Variants in NKAIN2 observed in about 807,000 individuals in gnomAD.
NKAIN2 encodes the protein sodium/potassium transporting ATPase interacting 2.
Under a neutral mutation model 32.6 loss-of-function variants are expected in NKAIN2, and 14 were observed. That is an observed-to-expected ratio of 0.43 (90% confidence interval 0.28 to 0.67). NKAIN2 has a LOEUF of 0.67. Ranked by LOEUF, NKAIN2 falls within the 30% of genes least tolerant of loss-of-function variation. NKAIN2 has a pLI of 0.17. For missense variants in NKAIN2, 198 were observed against 258.3 expected (o/e 0.77, Z 1.60); for synonymous variants, 80 against 87.2 (o/e 0.92, Z 0.46).
At chr6:124,109,282 A>G (rs925720538) in intron 1 of NKAIN2, among the ~76,000 whole-genome samples, 3 of 151,778 alleles carry the variant, frequency 2.0e-5, no homozygotes, top group Non-Finnish European at 4.4e-5. Flanking sequence ...TTATTCTTAC[A>G]TATTTTATTC....
intron 5 of NKAIN2, chr6:124,794,885 A>G: frequency 1.0e-6 from 1 of 953,928 alleles, no homozygotes; most frequent in Non-Finnish European, 1.2e-6. Flanking sequence ...AGAGTAAAAA[A>G]GGTTTGACAT....
chr6:124,235,463 TATA>T (rs1343933272), intron 1 of NKAIN2, among the ~76,000 whole-genome samples: 1 of 152,202 alleles, frequency 6.6e-6, no homozygotes, highest in Non-Finnish European at 1.5e-5. Context: ...AAAGTAAGAT[TATA>T]ATACTAATAA....
chr6:124,077,083 A>G (rs1783729166), intron 1 of NKAIN2, among the ~76,000 whole-genome samples: 2 of 152,208 alleles, frequency 1.3e-5, no homozygotes, highest in African/African-American at 2.4e-5. Flanking sequence ...TGCCATGTTA[A>G]ATGAAATATA....
At chr6:124,612,195 GA>G (rs1201875419) in intron 3 of NKAIN2, among the ~76,000 whole-genome samples, 2 of 149,328 alleles carry the variant, frequency 1.3e-5, no homozygotes, top group South Asian at 2.1e-4. Flanking sequence ...TTTTGGAATA[GA>G]AAAAAATCTT....
intron 2 of NKAIN2, among the ~76,000 whole-genome samples, chr6:124,301,315 G>A (rs1335779923): frequency 2.0e-5 from 3 of 152,200 alleles, no homozygotes; most frequent in Non-Finnish European, 4.4e-5. Context: ...GATTTCAGAG[G>A]ATGTATGGAA....
intron 1 of NKAIN2, among the ~76,000 whole-genome samples, chr6:124,043,873 G>T (rs1218254374): frequency 1.3e-5 from 2 of 152,004 alleles, no homozygotes; most frequent in Non-Finnish European, 2.9e-5. Flanking sequence ...CACAACAATG[G>T]ATCATACACA....
chr6:124,523,712 C>T (rs1051526549), intron 3 of NKAIN2, among the ~76,000 whole-genome samples: 1 of 152,030 alleles, frequency 6.6e-6, no homozygotes, highest in African/African-American at 2.4e-5. Context: ...GAAGCCTGGC[C>T]AACTAACAAA....
At chr6:124,379,694 G>A (rs1021668354) in intron 3 of NKAIN2, among the ~76,000 whole-genome samples, 2 of 152,114 alleles carry the variant, frequency 1.3e-5, no homozygotes, top group African/African-American at 4.8e-5. Context: ...TCTACAGAAG[G>A]AAGTATGTGT....
intron 1 of NKAIN2, among the ~76,000 whole-genome samples, chr6:124,183,198 A>G (rs1352238791): frequency 1.3e-5 from 2 of 152,112 alleles, no homozygotes; most frequent in Non-Finnish European, 2.9e-5. Flanking sequence ...GAGGCTGAAT[A>G]TAATAATTGA....
At chr6:124,104,402 C>T (rs916881581) in intron 1 of NKAIN2, among the ~76,000 whole-genome samples, 2 of 152,008 alleles carry the variant, frequency 1.3e-5, no homozygotes, top group South Asian at 2.1e-4. Flanking sequence ...AAACTTGAAA[C>T]GCTTATCTGA....
At position 124,496,671 on chromosome 6, in the gene NKAIN2, A is replaced by G. The variant is rs150696198; in HGVS notation, c.273+141324A>G. On this transcript the variant is annotated intron_variant, in intron 3 of 6. Coordinates refer to ENST00000368417, the MANE Select transcript of NKAIN2 (RefSeq NM_001040214.3). ...TTGAGGTGAGGTGTGGGCTGAAGCT[A>G]TAGCAACACATCACGGAGTTCAGAA... Among the ~76,000 whole-genome samples the G allele has an allele frequency of 1.5e-3, 232 of 152,286 alleles. No individual in the cohort carries two copies. The Middle Eastern group carries it at 0.027, about 18-fold the overall frequency.
intron 2 of NKAIN2, among the ~76,000 whole-genome samples, chr6:124,295,092 T>C (rs1027297842): frequency 3.3e-5 from 5 of 152,126 alleles, no homozygotes; most frequent in Admixed American, 2.0e-4. Context: ...TACAGTAAAA[T>C]TGGAATTATG....
intron 3 of NKAIN2, among the ~76,000 whole-genome samples, chr6:124,631,868 T>TAATC (rs1783583534): frequency 1.3e-5 from 2 of 152,160 alleles, no homozygotes; most frequent in African/African-American, 4.8e-5. Flanking sequence ...GGATGTAGTT[T>TAATC]AATCAGTGTC....
intron 3 of NKAIN2, among the ~76,000 whole-genome samples, chr6:124,488,549 A>T (rs1310916840): frequency 6.6e-6 from 1 of 152,024 alleles, no homozygotes; most frequent in Non-Finnish European, 1.5e-5. Context: ...CATTTAACTT[A>T]TCATTTAACA....
intron 1 of NKAIN2, among the ~76,000 whole-genome samples, chr6:124,154,174 CTT>C (rs1787868673): frequency 6.6e-6 from 1 of 151,772 alleles, no homozygotes; most frequent in South Asian, 2.1e-4. Flanking sequence ...CTAAATACCT[CTT>C]GATTATGATC....
intron 4 of NKAIN2, among the ~76,000 whole-genome samples, chr6:124,698,915 G>C (rs1325105511): frequency 6.6e-6 from 1 of 151,714 alleles, no homozygotes; most frequent in Non-Finnish European, 1.5e-5. Context: ...GGGGTGTAGA[G>C]GTTAGTGCAG....
In NKAIN2 at chr6:124,117,839, A is replaced by ATCTGTCAT. The variant is rs972206788; in HGVS notation, c.55-165164_55-165157dup. ...TATAATATTTATTCAATTTTATAAA[A>ATCTGTCAT]TCTGTCATTATAACATCACATTGAG... On this transcript the variant is annotated intron_variant, in intron 1 of 6. Coordinates refer to ENST00000368417, the MANE Select transcript of NKAIN2 (RefSeq NM_001040214.3). 2.6e-5 allele frequency among the ~76,000 whole-genome samples: 4 copies of ATCTGTCAT among 151,444 alleles called. No homozygotes were observed. The South Asian group carries it at 8.3e-4, about 31-fold the overall frequency.
At chr6:123,910,286 C>G (rs1037098928) in intron 1 of NKAIN2, among the ~76,000 whole-genome samples, 2 of 151,978 alleles carry the variant, frequency 1.3e-5, no homozygotes, top group African/African-American at 4.8e-5. Flanking sequence ...TTTAAGTATG[C>G]CATGCAGATT....
chr6:124,411,263 T>C (rs1485646507), intron 3 of NKAIN2, among the ~76,000 whole-genome samples: 17 of 152,248 alleles, frequency 1.1e-4, no homozygotes, highest in African/African-American at 4.1e-4. Flanking sequence ...GTTGATGCAG[T>C]TTCTTCCTAG....
Sources: gnomAD v4.1 joint callset for allele counts (sites outside exome capture counted in the v4.1 genomes callset) on GRCh38, gnomAD v4.1.1 for gene constraint, MANE v1.5 for transcripts, NCBI Gene and HGNC (gene_info 2026-07-23, HGNC 2026-07-21) for gene names.